The following SCLT1 variants were observed in gnomAD, a reference collection of about 807,000 sequenced individuals.
SCLT1 encodes sodium channel-associated protein 1.
In SCLT1, 78 loss-of-function variants were observed where a neutral mutation model predicts 112.8. That is an observed-to-expected ratio of 0.69 (90% CI 0.58 to 0.83). The LOEUF (loss-of-function observed/expected upper bound fraction) is 0.83. Among genes scored for constraint, SCLT1 ranks in the 40% least tolerant of loss-of-function variants. The pLI is 0.00. For synonymous variants in SCLT1, 257 were observed against 254.7 expected (o/e 1.01, Z -0.09); for missense variants, 747 against 770.4 (o/e 0.97, Z 0.36).
At chr4:128,899,681 C>A (rs975037964) in intron 18 of SCLT1, among the ~76,000 whole-genome samples, 1 of 149,514 alleles carries the variant, frequency 6.7e-6, no homozygotes, top group Non-Finnish European at 1.5e-5. Flanking sequence ...CCAGGGCAAT[C>A]AGGCAGGAGA....
intron 20 of SCLT1, among the ~76,000 whole-genome samples, chr4:128,887,568 G>T (rs1732980171): frequency 6.6e-6 from 1 of 151,990 alleles, no homozygotes; most frequent in African/African-American, 2.4e-5. Context: ...ATTTGTTTTT[G>T]TTTTCTCGCC....
chr4:129,008,268 CCTT>C (rs770071405), intron 5 of SCLT1, among the ~76,000 whole-genome samples: 5 of 152,178 alleles, frequency 3.3e-5, no homozygotes, highest in Admixed American at 6.5e-5. Flanking sequence ...ATTTAACCCT[CCTT>C]CTTGAAGAAC....
At chr4:128,885,157 G>C (rs1207782630) in intron 20 of SCLT1, among the ~76,000 whole-genome samples, 2 of 152,082 alleles carry the variant, frequency 1.3e-5, no homozygotes, top group African/African-American at 2.4e-5. Context: ...ACAATGCAAG[G>C]CTGATAATAA....
chr4:128,969,301 G>A (rs576462861), intron 10 of SCLT1, among the ~76,000 whole-genome samples: 2 of 152,040 alleles, frequency 1.3e-5, no homozygotes, highest in South Asian at 4.1e-4. Flanking sequence ...GGCCGGGCGC[G>A]GTGGCTCACA....
chr4:128,901,535 G>C lies in SCLT1; in HGVS notation c.1830-10398C>G, dbSNP rs892449618. On this transcript the variant is annotated intron_variant, in intron 18 of 20. Transcript: ENST00000281142. ...AGGGCCTATTGTGGGGTGGTGGGGG[G>C]GGGGAGGGATAGCATTTGGAGATAT... Among the ~76,000 whole-genome samples, 27 of 151,610 alleles carry C rather than the reference G, an allele frequency of 1.8e-4. 1 individual carries two copies. Among genetic ancestry groups the C allele is most frequent in the South Asian group, 6.3e-4 (3 of 4,772 alleles).
chr4:128,883,155 A>C (rs57958708), downstream of SCLT1, among the ~76,000 whole-genome samples: 1,164 of 111,262 alleles, frequency 0.01, 16 homozygotes, highest in African/African-American at 0.04. Context: ...CAACAACAAC[A>C]ACAAAAAAAA....
intron 9 of SCLT1, among the ~76,000 whole-genome samples, chr4:128,978,176 C>CT (rs1560919645): frequency 6.6e-6 from 1 of 151,962 alleles, no homozygotes; most frequent in African/African-American, 2.4e-5. Context: ...TATAAGATTT[C>CT]TTTTTTTAAA....
intron 5 of SCLT1, among the ~76,000 whole-genome samples, chr4:129,032,504 G>A (rs1746815287): frequency 6.6e-6 from 1 of 151,926 alleles, no homozygotes; most frequent in Admixed American, 6.6e-5. Context: ...CGAATTAAAT[G>A]AAAGAGCTTC....
chr4:128,948,335 CAAAAAAA>C (rs11312069), intron 15 of SCLT1, among the ~76,000 whole-genome samples, 154 bp downstream of exon 15: 10 of 47,964 alleles, frequency 2.1e-4, no homozygotes, highest in South Asian at 1.0e-3. Context: ...GACTCCATTG[CAAAAAAA>C]AAAAAAAAAA....
At chr4:128,946,176 T>G in intron 15 of SCLT1, 24 bp from the exon 16 acceptor site, 1 of 1,524,082 alleles carries the variant, frequency 6.6e-7, no homozygotes, top group African/African-American at 1.4e-5. Flanking sequence ...TTATTAGGTA[T>G]ATAATATTAC....
chr4:128,878,291 A>T (rs1456566800), intron 3 of SCLT1, among the ~76,000 whole-genome samples: 5 of 152,226 alleles, frequency 3.3e-5, no homozygotes, highest in African/African-American at 1.2e-4. Context: ...TGGCTTATAT[A>T]TGGCCGAGTT....
chr4:128,948,852 T>C (rs1738437993), intron 14 of SCLT1, among the ~76,000 whole-genome samples: 1 of 152,136 alleles, frequency 6.6e-6, no homozygotes, highest in Admixed American at 6.6e-5. Context: ...TCTCATACTA[T>C]AGATTTTCTT....
intron 2 of SCLT1, among the ~76,000 whole-genome samples, chr4:129,063,536 T>C (rs1750184741): frequency 6.6e-6 from 1 of 152,180 alleles, no homozygotes; most frequent in Admixed American, 6.5e-5. Flanking sequence ...TGTGCTTGCA[T>C]TCCCCATCTA....
chr4:129,089,349 A>T (rs948996381), intron 1 of SCLT1, among the ~76,000 whole-genome samples: 2 of 152,252 alleles, frequency 1.3e-5, no homozygotes, highest in African/African-American at 4.8e-5. Context: ...TCAAAAAGTC[A>T]GGAAACAACA....
intron 9 of SCLT1, 22 bp from the exon 10 acceptor site, chr4:128,970,490 T>A: frequency 7.6e-7 from 1 of 1,311,150 alleles, no homozygotes; most frequent in East Asian, 2.3e-5. Flanking sequence ...AGTAAATTAA[T>A]AAACACTGTT....
At chr4:128,888,293 T>C (rs1433228588) in intron 20 of SCLT1, among the ~76,000 whole-genome samples, 1 of 151,932 alleles carries the variant, frequency 6.6e-6, no homozygotes, top group Non-Finnish European at 1.5e-5. Flanking sequence ...CGTGGCTCAC[T>C]GCAGCTTCGA....
downstream of SCLT1, among the ~76,000 whole-genome samples, chr4:128,882,365 T>C (rs1732661260): frequency 6.6e-6 from 1 of 152,190 alleles, no homozygotes; most frequent in African/African-American, 2.4e-5. Flanking sequence ...TTAACTGCCA[T>C]ATAGGTATGA....
At chr4:129,088,557 T>G (rs951325249) in intron 1 of SCLT1, among the ~76,000 whole-genome samples, 1 of 152,146 alleles carries the variant, frequency 6.6e-6, no homozygotes, top group Non-Finnish European at 1.5e-5. Context: ...GCATCCAAAT[T>G]GAAAAGAAAT....
rs561711948 is a variant in SCLT1 at position 128,888,630 on chromosome 4, A to G, written c.2004+49T>C. 17 of 1,085,152 alleles carry G rather than the reference A, an allele frequency of 1.6e-5. No individual in the cohort carries two copies. In the African/African-American group the frequency reaches 2.7e-4, roughly 17 times the overall value. The allele number at this position is 1,085,152 out of a possible 1,614,324, so 67.2% of individuals were successfully genotyped here. ...TAAGTTCCCTGGGAACTTCTAAAAA[A>G]CTTATCTTTGAACTGTTTATTATCT... is the stretch of plus-strand genomic sequence containing the variant. On this transcript the variant is annotated intron_variant, in intron 20 of 20. Transcript: ENST00000281142.
Sources: allele counts gnomAD v4.1 joint callset (sites outside exome capture counted in the v4.1 genomes callset), GRCh38; gene constraint gnomAD v4.1.1; transcripts MANE v1.5; gene names NCBI Gene and HGNC (gene_info 2026-07-23, HGNC 2026-07-21).